The following CNTFR variants were observed in gnomAD, a reference collection of about 807,000 sequenced individuals.
CNTFR encodes the protein ciliary neurotrophic factor receptor subunit alpha.
A neutral mutation model predicts 40.4 loss-of-function variants in CNTFR; 12 were observed. The ratio of observed to expected loss-of-function variants is 0.30; its 90% CI spans 0.19 to 0.48. The LOEUF is 0.48. Among genes scored for constraint, CNTFR ranks in the 20% least tolerant of loss-of-function variants. CNTFR has a pLI of 0.99. For synonymous variants in CNTFR, 202 were observed against 209.6 expected, an observed-to-expected ratio of 0.96 and a Z score of 0.31; for missense variants, 414 against 506.8, an observed-to-expected ratio of 0.82 and a Z score of 1.76.
At chr9:34,590,358 G>C (rs1026003325), upstream of CNTFR, among the ~76,000 whole-genome samples, 1 of 152,148 alleles carries the variant, frequency 6.6e-6, no homozygotes, top group East Asian at 1.9e-4. Context: ...GCCAACTCTC[G>C]GGGTCCTCCC....
chr9:34,560,870 T>A (rs1826043244), intron 4 of CNTFR, among the ~76,000 whole-genome samples: 1 of 152,154 alleles, frequency 6.6e-6, no homozygotes, highest in Non-Finnish European at 1.5e-5. Context: ...TCCTCCTAAT[T>A]GGCTTGTTTT....
rs74696194 is a variant in CNTFR, at chr9:34,583,880, T to C, written c.-111-2675A>G. 8.8e-3 allele frequency among the ~76,000 whole-genome samples: 1,341 copies of C among 152,290 alleles called. 15 individuals carry two copies. The highest frequency in any genetic ancestry group is 0.015 in the Non-Finnish European group (998 of 68,016). On this transcript the variant is annotated intron_variant, in intron 1 of 9. Coordinates refer to ENST00000378980, the MANE Select transcript of CNTFR (RefSeq NM_147164.3). ...GGTCAGCTCATGGGCCGAGGTCACA[T>C]GGCATCTTCCCTCTGACTCTGGGCT...
chr9:34,571,231 G>C (rs1398408457), intron 2 of CNTFR: 1 of 152,362 alleles, frequency 6.6e-6, no homozygotes, highest in Non-Finnish European at 1.5e-5. Flanking sequence ...GTGTAAGAGA[G>C]AGAAAACGAG....
At position 34,551,926 on chromosome 9, in the gene CNTFR, C is replaced by G; in HGVS notation, c.*145G>C. ...GGGCTGGGGGGCGGCAGGCCCGGGC[C>G]CGCCGGGGTCTCCACAAATTGTGTC... On this transcript the variant is annotated 3_prime_UTR_variant, in exon 10 of 10. Coordinates refer to ENST00000378980, the MANE Select transcript of CNTFR (RefSeq NM_147164.3). 1.4e-6 allele frequency: 1 copy of G among 719,710 alleles called. No individual in the cohort carries two copies. Among genetic ancestry groups the G allele is most frequent in the Non-Finnish European group, 2.6e-6 (1 of 392,106 alleles). The allele number at this position is 719,710 out of a possible 1,614,324, so 44.6% of individuals were successfully genotyped here.
intron 2 of CNTFR, among the ~76,000 whole-genome samples, chr9:34,575,854 T>C (rs56259104): frequency 0.21 from 31,418 of 152,160 alleles, 3,854 homozygotes; most frequent in South Asian, 0.27. Context: ...CTAACGTGCA[T>C]ATGCACCATG....
chr9:34,568,540 C>A (rs372008693), intron 3 of CNTFR, among the ~76,000 whole-genome samples: 1 of 152,150 alleles, frequency 6.6e-6, no homozygotes, highest in Non-Finnish European at 1.5e-5. Flanking sequence ...TGTCTCCAAT[C>A]GGTGCCTCCA....
chr9:34,589,989 GC>G (rs1357125563), upstream of CNTFR: 1 of 152,358 alleles, frequency 6.6e-6, no homozygotes, highest in East Asian at 1.9e-4. This position sits in a 1 kb window ranked among gnomAD's most constrained non-coding sequence, Gnocchi z 4.4. Context: ...GGGCCTGTGA[GC>G]CCCCACTCCC....
chr9:34,558,929 G>T (rs750777847), intron 4 of CNTFR, among the ~76,000 whole-genome samples: 4 of 152,136 alleles, frequency 2.6e-5, no homozygotes, highest in Non-Finnish European at 4.4e-5. Flanking sequence ...CTTTTTTGCT[G>T]CCGTGAGCAC....
chr9:34,553,076 G>A (rs1185108520), intron 7 of CNTFR, among the ~76,000 whole-genome samples: 3 of 152,170 alleles, frequency 2.0e-5, no homozygotes, highest in Non-Finnish European at 4.4e-5. Flanking sequence ...CCCTGAAGGA[G>A]AGTAATGACA....
rs1368322952 is a variant in CNTFR at position 34,552,865 on chromosome 9, A to C, written c.769-11T>G. ...GTCGGACAGCTCCACCTGCAGCCAG[A>C]CCATGGGGTGGGGGTAAGGACACAC... On this transcript the variant is annotated splice_polypyrimidine_tract_variant and intron_variant, in intron 7 of 9. Coordinates refer to ENST00000378980, the MANE Select transcript of CNTFR (RefSeq NM_147164.3). The surrounding 1 kb of genome is among the most constrained non-coding windows in gnomAD (Gnocchi z 5.1). The C allele has an allele frequency of 6.2e-7, 1 of 1,608,010 alleles. No homozygotes were observed. The highest frequency in any genetic ancestry group is 8.5e-7 in the Non-Finnish European group (1 of 1,179,402).
Position 34,552,096 on chromosome 9 carries a change from C to G in CNTFR, c.*-25G>C. 1 of 1,591,896 alleles carries G rather than the reference C, an allele frequency of 6.3e-7. No individual in the cohort carries two copies. The highest frequency in any genetic ancestry group is 8.6e-7 in the Non-Finnish European group (1 of 1,165,700). ...TCTGTAGAGACAGGCAGGGGCCTGT[C>G]AGGGAGGGGGCTGGAGTGGGGGTTC... On this transcript the variant is annotated intron_variant, in intron 9 of 9. Coordinates refer to ENST00000378980, the MANE Select transcript of CNTFR (RefSeq NM_147164.3). This position sits in a 1 kb window ranked among gnomAD's most constrained non-coding sequence, Gnocchi z 5.1.
At position 34,552,080 on chromosome 9, in the gene CNTFR, A is replaced by G; in HGVS notation, c.*-9T>C. The G allele has an allele frequency of 1.3e-6, 2 of 1,559,186 alleles. No homozygotes were observed. The highest frequency in any genetic ancestry group is 2.3e-5 in the East Asian group (1 of 44,438). On this transcript the variant is annotated splice_polypyrimidine_tract_variant and intron_variant, in intron 9 of 9. Coordinates refer to ENST00000378980, the MANE Select transcript of CNTFR (RefSeq NM_147164.3). This position sits in a 1 kb window ranked among gnomAD's most constrained non-coding sequence, Gnocchi z 5.1. ...TCATGGGGTGCCGGGCTCTGTAGAGACAGGCAGGGGCCTGTCAGGGAGGGG... is the reference window on the plus strand; with the variant it reads ...TCATGGGGTGCCGGGCTCTGTAGAGGCAGGCAGGGGCCTGTCAGGGAGGGG...
In CNTFR at chr9:34,557,436, T is replaced by C; in HGVS notation, c.604+90A>G. The C allele has an allele frequency of 7.2e-7, 1 of 1,397,616 alleles. No individual in the cohort carries two copies. Among genetic ancestry groups the C allele is most frequent in the Admixed American group, 1.9e-5 (1 of 52,608 alleles). The allele number at this position is 1,397,616 out of a possible 1,614,324, so 86.6% of individuals were successfully genotyped here. ...GGCATGTACATGCCATGTATACATG[T>C]GCATGCATGTGGACATCCCCACCAA... On this transcript the variant is annotated intron_variant, in intron 6 of 9. Transcript: ENST00000378980. The surrounding 1 kb of genome is among the most constrained non-coding windows in gnomAD (Gnocchi z 4.2).
In CNTFR at chr9:34,557,315, G is replaced by A. The variant is rs12553466; in HGVS notation, c.604+211C>T. On this transcript the variant is annotated intron_variant, in intron 6 of 9. Coordinates refer to ENST00000378980, the MANE Select transcript of CNTFR (RefSeq NM_147164.3). This position sits in a 1 kb window ranked among gnomAD's most constrained non-coding sequence, Gnocchi z 4.2. Reference sequence around the variant, plus strand: ...GAAAGAGCTGCTGGACAGGTCTCTCGGCCCTTCAGGTAAAGGACATTCACT... The same window carrying A: ...GAAAGAGCTGCTGGACAGGTCTCTCAGCCCTTCAGGTAAAGGACATTCACT... 0.15 allele frequency among the ~76,000 whole-genome samples: 22,138 copies of A among 152,116 alleles called. 1,971 individuals carry two copies. Among genetic ancestry groups the A allele is most frequent in the Middle Eastern group, 0.2 (58 of 294 alleles).
intron 4 of CNTFR, among the ~76,000 whole-genome samples, chr9:34,561,082 C>T (rs554756959): frequency 1.2e-4 from 18 of 152,204 alleles, no homozygotes; most frequent in African/African-American, 3.9e-4. Flanking sequence ...CCCACCCACA[C>T]GCCGCCTCCT....
rs370833574 is a variant in CNTFR at position 34,557,817 on chromosome 9, G to T, written c.437+50C>A. The T allele has an allele frequency of 1.3e-6, 2 of 1,540,196 alleles. No individual in the cohort carries two copies. Among genetic ancestry groups the T allele is most frequent in the African/African-American group, 1.4e-5 (1 of 73,634 alleles). ...CAGAGGGCATGGTGGTGGGATGGGGGAGAGGTCAGAGGTCAGGGCTGGACC... is the reference window on the plus strand; with the variant it reads ...CAGAGGGCATGGTGGTGGGATGGGGTAGAGGTCAGAGGTCAGGGCTGGACC... On this transcript the variant is annotated intron_variant, in intron 5 of 9. Coordinates refer to ENST00000378980, the MANE Select transcript of CNTFR (RefSeq NM_147164.3). This position sits in a 1 kb window ranked among gnomAD's most constrained non-coding sequence, Gnocchi z 4.2.
chr9:34,574,868 C>G (rs1187917334), intron 2 of CNTFR, among the ~76,000 whole-genome samples: 3 of 152,214 alleles, frequency 2.0e-5, no homozygotes, highest in Non-Finnish European at 4.4e-5. Context: ...GTTGGGGGAG[C>G]CTGGGGCCCT....
intron 7 of CNTFR, among the ~76,000 whole-genome samples, chr9:34,553,623 G>T (rs887170416): frequency 1.3e-5 from 2 of 152,184 alleles, no homozygotes; most frequent in Admixed American, 6.5e-5. Context: ...GGAAAGGGGT[G>T]GGGGACAGCC....
intron 2 of CNTFR, among the ~76,000 whole-genome samples, chr9:34,579,354 C>T (rs1827171521): frequency 1.3e-5 from 2 of 151,956 alleles, no homozygotes; most frequent in Admixed American, 6.5e-5. Flanking sequence ...GCTTTTCTGA[C>T]TTGGCAGCGT....
Sources: gnomAD v4.1 joint callset for allele counts (sites outside exome capture counted in the v4.1 genomes callset) on GRCh38, gnomAD v4.1.1 for gene constraint, Gnocchi (gnomAD v3.1) non-coding constraint, MANE v1.5 for transcripts, NCBI Gene and HGNC (gene_info 2026-07-23, HGNC 2026-07-21) for gene names.